MGAT5: variants seen among roughly 807,000 people sequenced by gnomAD.
MGAT5 encodes the protein alpha-1,6-mannosylglycoprotein 6-beta-N-acetylglucosaminyltransferase A.
MGAT5 carries 30 observed loss-of-function variants against 94.3 expected under a neutral mutation model. The ratio of observed to expected loss-of-function variants is 0.32; its 90% CI spans 0.24 to 0.43. The LOEUF is 0.43. MGAT5 is among the 20% of genes least tolerant of loss of function. The probability of loss-of-function intolerance (pLI) is 1.00; values close to 1 mark genes in which losing one functional copy is unlikely to be tolerated. For synonymous variants in MGAT5, 310 were observed against 322.9 expected, an observed-to-expected ratio of 0.96 and a Z score of 0.43; for missense variants, 691 against 905.5, an observed-to-expected ratio of 0.76 and a Z score of 3.04.
chr2:134,191,359 C>T (rs994424715), intron 1 of MGAT5, among the ~76,000 whole-genome samples: 2 of 152,258 alleles, frequency 1.3e-5, no homozygotes. Flanking sequence ...GTCATGCAGA[C>T]TCAACCCTCC....
At chr2:134,366,732 G>T (rs16830493) in intron 10 of MGAT5, among the ~76,000 whole-genome samples, 32,036 of 152,214 alleles carry the variant, frequency 0.21, 3,448 homozygotes, top group Middle Eastern at 0.36. Context: ...AAGCATCCAG[G>T]TGATACCGGT....
chr2:134,318,051 C>T (rs190382563), intron 3 of MGAT5, among the ~76,000 whole-genome samples: 38 of 152,298 alleles, frequency 2.5e-4, no homozygotes, highest in African/African-American at 8.2e-4. Flanking sequence ...CTGAGAGACA[C>T]TTGGCTGCTA....
At chr2:134,354,695 C>T (rs1461685643) in intron 9 of MGAT5, among the ~76,000 whole-genome samples, 2 of 152,168 alleles carry the variant, frequency 1.3e-5, no homozygotes, top group African/African-American at 4.8e-5. Context: ...GTGGTGTCCA[C>T]ATAAACTATT....
chr2:134,331,470 T>C (rs767679169), intron 4 of MGAT5, among the ~76,000 whole-genome samples: 2 of 152,132 alleles, frequency 1.3e-5, no homozygotes, highest in African/African-American at 2.4e-5. Flanking sequence ...GTGTGCGTGT[T>C]GCCGTGAGCT....
intron 1 of MGAT5, among the ~76,000 whole-genome samples, chr2:134,150,958 G>A (rs942755214): frequency 1.4e-4 from 22 of 152,148 alleles, no homozygotes; most frequent in Non-Finnish European, 2.5e-4. Flanking sequence ...TGAATCTGAG[G>A]CTGTTGTGAC....
chr2:134,415,048 G>A (rs1683889602), intron 12 of MGAT5, among the ~76,000 whole-genome samples: 1 of 152,072 alleles, frequency 6.6e-6, no homozygotes, highest in Admixed American at 6.5e-5. Flanking sequence ...TCCATATCTT[G>A]GCTATTATGA....
intron 1 of MGAT5, among the ~76,000 whole-genome samples, chr2:134,184,759 G>C (rs1435036344): frequency 6.6e-6 from 1 of 152,020 alleles, no homozygotes; most frequent in African/African-American, 2.4e-5. Context: ...TGAGAGCAGA[G>C]AACATGACTG....
At chr2:134,197,510 C>G (rs1293415219) in intron 1 of MGAT5, among the ~76,000 whole-genome samples, 1 of 152,180 alleles carries the variant, frequency 6.6e-6, no homozygotes, top group Admixed American at 6.5e-5. Flanking sequence ...CTTGAACCTC[C>G]TGGTATAACT....
intron 1 of MGAT5, among the ~76,000 whole-genome samples, chr2:134,195,467 A>G (rs761036203): frequency 2.6e-5 from 4 of 152,230 alleles, no homozygotes; most frequent in Non-Finnish European, 5.9e-5. Flanking sequence ...GAATTATCCT[A>G]GAAATGATAA....
intron 1 of MGAT5, among the ~76,000 whole-genome samples, chr2:134,164,770 T>C (rs1573775214): frequency 6.6e-6 from 1 of 151,908 alleles, no homozygotes; most frequent in South Asian, 2.1e-4. Flanking sequence ...GTTGAGGCTG[T>C]TGTGTGCTAT....
intron 12 of MGAT5, among the ~76,000 whole-genome samples, chr2:134,420,892 G>A (rs546919126): frequency 6.6e-6 from 1 of 152,344 alleles, no homozygotes; most frequent in East Asian, 1.9e-4. Context: ...ATCAAGAACT[G>A]TGCTGTCCCA....
chr2:134,342,971 T>C (rs1008117808), intron 7 of MGAT5, among the ~76,000 whole-genome samples: 13 of 152,198 alleles, frequency 8.5e-5, no homozygotes, highest in Non-Finnish European at 1.6e-4. Context: ...AGCACTGGGA[T>C]TGCAGAAAAC....
At chr2:134,132,026 A>C (rs144845737) in intron 1 of MGAT5, among the ~76,000 whole-genome samples, 1 of 152,302 alleles carries the variant, frequency 6.6e-6, no homozygotes, top group Non-Finnish European at 1.5e-5. Context: ...GAGATGTGTA[A>C]ATCATCCATG....
chr2:134,255,491 A>G (rs1682897277), intron 1 of MGAT5, among the ~76,000 whole-genome samples: 1 of 148,858 alleles, frequency 6.7e-6, no homozygotes, highest in Non-Finnish European at 1.5e-5. Context: ...ATATACATAT[A>G]TATACACATA....
At chr2:134,283,206 A>T (rs1684806718) in intron 2 of MGAT5, among the ~76,000 whole-genome samples, 1 of 152,118 alleles carries the variant, frequency 6.6e-6, no homozygotes, top group Non-Finnish European at 1.5e-5. Context: ...TGGTGAAGTC[A>T]TTTAGAGAGG....
chr2:134,203,023 C>T (rs1679872700), intron 1 of MGAT5, among the ~76,000 whole-genome samples: 2 of 152,272 alleles, frequency 1.3e-5, no homozygotes, highest in African/African-American at 4.8e-5. Flanking sequence ...TCTCCAAATA[C>T]AGGATTTATT....
At chr2:134,446,225 A>G (rs1007807073) in intron 15 of MGAT5, among the ~76,000 whole-genome samples, 5 of 151,984 alleles carry the variant, frequency 3.3e-5, no homozygotes, top group African/African-American at 1.2e-4. Context: ...GCTCACAGAC[A>G]CACGCTCATG....
Position 134,448,698 on chromosome 2 carries a change from C to A in MGAT5, c.2077C>A (p.Pro693Thr). The A allele has an allele frequency of 6.2e-7, 1 of 1,614,238 alleles. No homozygotes were observed. The highest frequency in any genetic ancestry group is 8.5e-7 in the Non-Finnish European group (1 of 1,180,044). The part of the protein sequence containing the change: ...SSELAKDILV[P>T]SFDPKNKHCV... ...AGAGCTGGCCAAGGACATCCTGGTG[C>A]CCTCCTTTGACCCTAAGAATAAGCA... The change falls in exon 16 of 16, where the codon CCC becomes ACC. Residue 693 changes from proline to threonine, a missense_variant. Around this residue, in one of 4 missense-constraint regions of MGAT5, gnomAD observed 260 missense variants for 347.0 expected, o/e 0.75. Transcript: ENST00000281923.
chr2:134,318,779 G>A, intron 4 of MGAT5, 40 bp downstream of exon 4: 1 of 1,405,190 alleles, frequency 7.1e-7, no homozygotes, highest in East Asian at 2.3e-5. Flanking sequence ...AGATGTGACT[G>A]GTTGGACTGT....
Sources: allele counts gnomAD v4.1 joint callset (sites outside exome capture counted in the v4.1 genomes callset), GRCh38; gene constraint gnomAD v4.1.1; regional missense constraint gnomAD v4.1.1; transcripts MANE v1.5; gene names NCBI Gene and HGNC (gene_info 2026-07-23, HGNC 2026-07-21).